PLD5: variants seen among roughly 807,000 people sequenced by gnomAD.
PLD5 encodes phospholipase D family member 5.
PLD5 carries 36 observed loss-of-function variants against 61.1 expected under a neutral mutation model. The ratio of observed to expected loss-of-function variants is 0.59; its 90% CI spans 0.45 to 0.78. The LOEUF is 0.78. PLD5 is among the 30% of genes least tolerant of loss of function. The probability of loss-of-function intolerance (pLI) is 0.00; values close to 1 mark genes in which losing one functional copy is unlikely to be tolerated. For missense variants in PLD5, 515 were observed against 644.4 expected (o/e 0.80, Z 2.17); for synonymous variants, 243 against 242.8 (o/e 1.00, Z -0.01).
intron 4 of PLD5, among the ~76,000 whole-genome samples, chr1:242,237,734 A>G (rs1671732069): frequency 6.6e-6 from 1 of 152,194 alleles, no homozygotes; most frequent in Non-Finnish European, 1.5e-5. Context: ...GCTTCCTTGC[A>G]TGCCTGGCCA....
intron 4 of PLD5, among the ~76,000 whole-genome samples, chr1:242,250,412 A>G (rs951305837): frequency 2.0e-5 from 3 of 152,184 alleles, no homozygotes; most frequent in African/African-American, 7.2e-5. Context: ...GGAATGGGGA[A>G]GGGCAGACGG....
intron 8 of PLD5, among the ~76,000 whole-genome samples, chr1:242,103,031 T>G (rs944049035): frequency 1.3e-5 from 2 of 152,102 alleles, no homozygotes; most frequent in African/African-American, 4.8e-5. Flanking sequence ...AGGTGTGCTG[T>G]GGGGGTCAAG....
intron 5 of PLD5, among the ~76,000 whole-genome samples, chr1:242,189,336 T>C (rs1260486109): frequency 1.3e-5 from 2 of 150,122 alleles, no homozygotes; most frequent in South Asian, 2.1e-4. Flanking sequence ...ATCCCAGTTA[T>C]TGGGGAGGCT....
At position 242,413,503 on chromosome 1, in the gene PLD5, G is replaced by C. The variant is rs138864487; in HGVS notation, c.190-65261C>G. On this transcript the variant is annotated intron_variant, in intron 1 of 9. Transcript: ENST00000536534. ...TGTTATATATAGAGATATATACCAA[G>C]AACAATGAATATTATGGCTGTTTTT... 3.6e-3 allele frequency among the ~76,000 whole-genome samples: 547 copies of C among 152,208 alleles called. 6 individuals carry two copies. Among genetic ancestry groups the C allele is most frequent in the African/African-American group, 0.012 (507 of 41,518 alleles).
chr1:242,307,966 A>G (rs1676474573), intron 2 of PLD5, among the ~76,000 whole-genome samples: 3 of 152,220 alleles, frequency 2.0e-5, no homozygotes, highest in Admixed American at 1.3e-4. Flanking sequence ...GGATTCTGAC[A>G]TATTTTAAAA....
intron 1 of PLD5, among the ~76,000 whole-genome samples, chr1:242,468,552 T>G (rs1310434930): frequency 6.6e-6 from 1 of 152,122 alleles, no homozygotes; most frequent in Non-Finnish European, 1.5e-5. Context: ...TTTACAAACA[T>G]GATTTTAATT....
intron 4 of PLD5, among the ~76,000 whole-genome samples, chr1:242,230,645 C>G (rs1318079901): frequency 6.6e-6 from 1 of 152,110 alleles, no homozygotes; most frequent in Admixed American, 6.5e-5. Flanking sequence ...CATGACACAT[C>G]GTTGCTTTCA....
chr1:242,394,898 T>TTATATATGATTA (rs1553366817), intron 1 of PLD5, among the ~76,000 whole-genome samples: 12 of 102,610 alleles, frequency 1.2e-4, no homozygotes, highest in Non-Finnish European at 2.3e-4. Context: ...ATATATATGA[T>TTATATATGATTA]TATATATGAA....
At position 242,251,827 on chromosome 1, in the gene PLD5, AG is replaced by A. The variant is rs1427985850; in HGVS notation, c.607+13509del. ...CTGAAAAAGTGGGACCAGATGTCTC[AG>A]GTGGAAGAGTTAGCCTTGGAAGAGA... On this transcript the variant is annotated intron_variant, in intron 4 of 9. Transcript: ENST00000536534. 2.7e-4 allele frequency among the ~76,000 whole-genome samples: 41 copies of A among 152,188 alleles called. 1 individual carries two copies. The highest frequency in any genetic ancestry group is 2.7e-3 in the Admixed American group (41 of 15,270).
chr1:242,172,036 T>C (rs938418947), intron 5 of PLD5, among the ~76,000 whole-genome samples: 15 of 152,214 alleles, frequency 9.9e-5, no homozygotes, highest in Middle Eastern at 3.4e-3. Flanking sequence ...GCGGACCTAA[T>C]AGACATCTAC....
At chr1:242,194,582 CT>C (rs1668487112) in intron 5 of PLD5, among the ~76,000 whole-genome samples, 1 of 70,322 alleles carries the variant, frequency 1.4e-5, no homozygotes, top group African/African-American at 7.1e-5. Context: ...ATCTATCTAT[CT>C]ATCTATCTAT....
intron 5 of PLD5, among the ~76,000 whole-genome samples, chr1:242,218,606 T>C (rs1188990638): frequency 6.6e-6 from 1 of 152,208 alleles, no homozygotes; most frequent in Non-Finnish European, 1.5e-5. Flanking sequence ...TCTTGATTAA[T>C]TGCATTGTTA....
At chr1:242,401,421 T>G (rs1290612547) in intron 1 of PLD5, among the ~76,000 whole-genome samples, 2 of 152,016 alleles carry the variant, frequency 1.3e-5, no homozygotes, top group Non-Finnish European at 2.9e-5. Flanking sequence ...TGTGGACCCC[T>G]CCCCTTCCTT....
At chr1:242,250,054 C>G (rs1419289580) in intron 4 of PLD5, among the ~76,000 whole-genome samples, 1 of 152,192 alleles carries the variant, frequency 6.6e-6, no homozygotes, top group Non-Finnish European at 1.5e-5. Context: ...TCCTTCACCA[C>G]CTTCTAGGTC....
intron 2 of PLD5, among the ~76,000 whole-genome samples, chr1:242,324,245 T>C (rs556759442): frequency 6.6e-6 from 1 of 152,158 alleles, no homozygotes; most frequent in Admixed American, 6.5e-5. Flanking sequence ...AAGGAATAAA[T>C]CCAGATAATG....
At chr1:242,267,190 G>A (rs1260758516) in intron 3 of PLD5, among the ~76,000 whole-genome samples, 1 of 111,642 alleles carries the variant, frequency 9.0e-6, no homozygotes, top group Non-Finnish European at 1.6e-5. Context: ...AAAGGGAAAA[G>A]GAAAAGGAAA....
intron 4 of PLD5, among the ~76,000 whole-genome samples, chr1:242,222,763 A>G (rs1198560166): frequency 6.6e-6 from 1 of 152,208 alleles, no homozygotes; most frequent in Non-Finnish European, 1.5e-5. Flanking sequence ...GTTATTTTGC[A>G]ATTTAGCTTA....
At chr1:242,510,318 C>G (rs1326725762) in intron 1 of PLD5, among the ~76,000 whole-genome samples, 1 of 152,264 alleles carries the variant, frequency 6.6e-6, no homozygotes, top group East Asian at 1.9e-4. Context: ...GATTCTCCAA[C>G]AACAGACCAC....
chr1:242,527,114 C>CTTTTTTTTTTTTTTTTTTTTTTTT (rs530334746), upstream of PLD5, among the ~76,000 whole-genome samples: 3 of 71,946 alleles, frequency 4.2e-5, no homozygotes, highest in Non-Finnish European at 7.7e-5. Flanking sequence ...CTATCTCCTT[C>CTTTTTTTTTTTTTTTTTTTTTTTT]TTTTTTTTTT....
Sources: gnomAD v4.1 joint callset for allele counts (sites outside exome capture counted in the v4.1 genomes callset) on GRCh38, gnomAD v4.1.1 for gene constraint, MANE v1.5 for transcripts, NCBI Gene and HGNC (gene_info 2026-07-23, HGNC 2026-07-21) for gene names.